GAS7: variants seen among roughly 807,000 people sequenced by gnomAD.
GAS7 encodes the protein growth arrest-specific protein 7.
A neutral mutation model predicts 71.1 loss-of-function variants in GAS7; 28 were observed. The observed-to-expected ratio is 0.39, with a 90% CI of 0.29 to 0.54. The LOEUF (loss-of-function observed/expected upper bound fraction) is 0.54. Among genes scored for constraint, GAS7 ranks in the 20% least tolerant of loss-of-function variants. The pLI is 0.62. For synonymous variants in GAS7, 258 were observed against 245.8 expected (o/e 1.05, Z -0.46); for missense variants, 436 against 627.8 (o/e 0.69, Z 3.27).
chr17:10,112,800 GAA>G (rs1455153296), intron 1 of GAS7, among the ~76,000 whole-genome samples: 1 of 107,820 alleles, frequency 9.3e-6, no homozygotes, highest in Non-Finnish European at 2.0e-5. Flanking sequence ...AGAAAGAAAA[GAA>G]AAGAGAGAGA....
chr17:10,147,390 C>T (rs2074129901), intron 1 of GAS7, among the ~76,000 whole-genome samples: 1 of 152,152 alleles, frequency 6.6e-6, no homozygotes, highest in Admixed American at 6.6e-5. Context: ...TACACAACTG[C>T]CTCTCTGAAA....
intron 1 of GAS7, among the ~76,000 whole-genome samples, chr17:10,180,712 C>T (rs1413354751): frequency 1.3e-5 from 2 of 152,138 alleles, no homozygotes; most frequent in African/African-American, 2.4e-5. Context: ...CTATCCTATG[C>T]ATGTGTAAGA....
At chr17:10,168,248 CA>C (rs911692250) in intron 1 of GAS7, among the ~76,000 whole-genome samples, 10 of 147,130 alleles carry the variant, frequency 6.8e-5, no homozygotes, top group Admixed American at 2.0e-4. Context: ...TATGTGCTAA[CA>C]AAAAAAAATA....
chr17:10,116,955 G>C (rs944086313), intron 1 of GAS7, among the ~76,000 whole-genome samples: 1 of 152,088 alleles, frequency 6.6e-6, no homozygotes, highest in African/African-American at 2.4e-5. Context: ...ACTGAAAGGA[G>C]ATAAAGAGGT....
intron 1 of GAS7, among the ~76,000 whole-genome samples, chr17:10,064,654 C>G (rs561879615): frequency 6.6e-6 from 1 of 152,320 alleles, no homozygotes; most frequent in African/African-American, 2.4e-5. Flanking sequence ...ACGCTGACAA[C>G]TCGCAGAAGT....
chr17:10,082,054 G>C (rs2073462297), intron 1 of GAS7, among the ~76,000 whole-genome samples: 1 of 152,152 alleles, frequency 6.6e-6, no homozygotes, highest in Admixed American at 6.5e-5. Context: ...CAGCAGTTAA[G>C]ATGAACTAGC....
intron 1 of GAS7, among the ~76,000 whole-genome samples, chr17:10,134,071 C>T (rs971016042): frequency 6.6e-6 from 1 of 152,008 alleles, no homozygotes; most frequent in Non-Finnish European, 1.5e-5. Flanking sequence ...CGCTCTATCG[C>T]CCAGGCTGGA....
In GAS7 at chr17:9,944,992, GA is replaced by G. The variant is rs1447063566; in HGVS notation, c.616-1757del. On this transcript the variant is annotated intron_variant, in intron 6 of 13. Coordinates refer to ENST00000432992, the MANE Select transcript of GAS7 (RefSeq NM_201433.2). ...TAAGTGGATTGCAGATTAAGTATCA[GA>G]GTCCCCAGAGAGCTCGAATTAAGAT... Among the ~76,000 whole-genome samples, 16 of 152,126 alleles carry G rather than the reference GA, an allele frequency of 1.1e-4. No individual in the cohort carries two copies. In the East Asian group the frequency reaches 1.5e-3, roughly 15 times the overall value.
chr17:10,002,680 G>A (rs1437194972), intron 2 of GAS7, among the ~76,000 whole-genome samples: 2 of 152,048 alleles, frequency 1.3e-5, no homozygotes, highest in Non-Finnish European at 2.9e-5. Context: ...CTGTCCTTGC[G>A]ATAGTTTGCT....
intron 1 of GAS7, among the ~76,000 whole-genome samples, chr17:10,126,572 T>G (rs1030723679): frequency 6.9e-6 from 1 of 145,738 alleles, no homozygotes; most frequent in Admixed American, 6.8e-5. Flanking sequence ...GCACACACTC[T>G]CGAAAACACA....
intron 1 of GAS7, among the ~76,000 whole-genome samples, chr17:10,095,360 G>A (rs2073629966): frequency 6.6e-6 from 1 of 152,134 alleles, no homozygotes; most frequent in Admixed American, 6.5e-5. Flanking sequence ...AGAAGGAACT[G>A]CTATCCCAAA....
chr17:10,081,014 C>T (rs1363009930), intron 1 of GAS7, among the ~76,000 whole-genome samples: 1 of 152,198 alleles, frequency 6.6e-6, no homozygotes, highest in Non-Finnish European at 1.5e-5. Flanking sequence ...AGATGACAGG[C>T]TCCTCAGAAA....
chr17:10,009,318 C>CAAAAAAAAAAAAAAAA (rs541133967), intron 2 of GAS7, among the ~76,000 whole-genome samples: 1 of 78,574 alleles, frequency 1.3e-5, no homozygotes, highest in Non-Finnish European at 2.5e-5. Flanking sequence ...GAGACTCCGT[C>CAAAAAAAAAAAAAAAA]AAAAAAAAAA....
intron 1 of GAS7, among the ~76,000 whole-genome samples, chr17:10,050,758 C>T (rs2073052009): frequency 6.6e-6 from 1 of 152,164 alleles, no homozygotes; most frequent in Non-Finnish European, 1.5e-5. Context: ...GTCATAAGCC[C>T]TCTTGACTTT....
chr17:10,099,123 T>G (rs769954566), intron 1 of GAS7, among the ~76,000 whole-genome samples: 5 of 152,204 alleles, frequency 3.3e-5, no homozygotes, highest in Non-Finnish European at 7.3e-5. Context: ...ATAGGCCTGC[T>G]GGATTTAATA....
chr17:10,092,155 T>TTC (rs138025105), intron 1 of GAS7, among the ~76,000 whole-genome samples: 1 of 151,910 alleles, frequency 6.6e-6, no homozygotes, highest in South Asian at 2.1e-4. Flanking sequence ...CGCACATGTA[T>TTC]TCTCTCTCTC....
intron 2 of GAS7, among the ~76,000 whole-genome samples, chr17:9,986,614 C>T (rs766384568): frequency 1.6e-4 from 25 of 152,198 alleles, no homozygotes; most frequent in African/African-American, 3.9e-4. Flanking sequence ...CCTAGGTGGA[C>T]GCTGGCCTGC....
chr17:9,928,863 C>G (rs1201703484), intron 9 of GAS7, among the ~76,000 whole-genome samples: 1 of 152,180 alleles, frequency 6.6e-6, no homozygotes, highest in African/African-American at 2.4e-5. Flanking sequence ...GAATGACAAA[C>G]TCTTCAGAGC....
chr17:10,094,475 T>C (rs117278264), intron 1 of GAS7, among the ~76,000 whole-genome samples: 2,494 of 152,280 alleles, frequency 0.016, 126 homozygotes, highest in Admixed American at 0.085. Context: ...TTTTCTTTTT[T>C]TTCTTTTTTT....
Sources: gnomAD v4.1 joint callset for allele counts (sites outside exome capture counted in the v4.1 genomes callset) on GRCh38, gnomAD v4.1.1 for gene constraint, MANE v1.5 for transcripts, NCBI Gene and HGNC (gene_info 2026-07-23, HGNC 2026-07-21) for gene names.